CALN1: variants seen among roughly 807,000 people sequenced by gnomAD.
The protein encoded by CALN1 is calcium-binding protein 8.
A neutral mutation model predicts 30.6 loss-of-function variants in CALN1; 17 were observed. The observed-to-expected ratio is 0.56, with a 90% CI of 0.38 to 0.83. CALN1 has a LOEUF of 0.83. Among genes scored for constraint, CALN1 ranks in the 40% least tolerant of loss-of-function variants. The pLI is 0.00. For synonymous variants in CALN1, 156 were observed against 131.4 expected (o/e 1.19, Z -1.28); for missense variants, 291 against 354.9 (o/e 0.82, Z 1.45).
At chr7:72,488,884 A>C in the CALN1 span, among the ~76,000 whole-genome samples, 1 of 151,962 alleles carries the variant, frequency 6.6e-6, no homozygotes, top group Non-Finnish European at 1.5e-5. Context: ...GGGTCTCACT[A>C]TGTTGCCCAG....
chr7:72,409,850 A>T (rs1806990996), intron 1 of CALN1, among the ~76,000 whole-genome samples: 1 of 151,872 alleles, frequency 6.6e-6, no homozygotes, highest in African/African-American at 2.4e-5. Flanking sequence ...ATCAAGTTAC[A>T]GTCTTTTCTT....
chr7:72,347,959 T>TG (rs1321252290), intron 2 of CALN1, among the ~76,000 whole-genome samples: 2 of 151,998 alleles, frequency 1.3e-5, no homozygotes, highest in African/African-American at 4.8e-5. Flanking sequence ...GCTGAGACCC[T>TG]GTCTCTACTA....
At chr7:72,131,141 G>A (rs773920503) in intron 3 of CALN1, among the ~76,000 whole-genome samples, 5 of 152,102 alleles carry the variant, frequency 3.3e-5, no homozygotes, top group African/African-American at 4.8e-5. Flanking sequence ...GGAGAGAGAG[G>A]CAGAAAAGCC....
the CALN1 span, among the ~76,000 whole-genome samples, chr7:72,484,439 A>G: frequency 6.6e-6 from 1 of 152,180 alleles, no homozygotes; most frequent in South Asian, 2.1e-4. Flanking sequence ...GAGGTTTTCT[A>G]TTCTGGCTGG....
chr7:72,349,282 T>G (rs1013135385), intron 2 of CALN1, among the ~76,000 whole-genome samples: 28 of 147,754 alleles, frequency 1.9e-4, no homozygotes, highest in East Asian at 1.0e-3. Context: ...ACACGCGTGC[T>G]TGTGTGTGTG....
chr7:72,236,379 C>T (rs1034616), intron 3 of CALN1, among the ~76,000 whole-genome samples: 52,804 of 152,000 alleles, frequency 0.35, 10,321 homozygotes, highest in Middle Eastern at 0.53. Context: ...ACCCGCCCTC[C>T]GAATCAACTG....
In CALN1 at chr7:72,007,580, T is replaced by C. The variant is rs978495817; in HGVS notation, c.501+16077A>G. 2.0e-5 allele frequency among the ~76,000 whole-genome samples: 3 copies of C among 152,102 alleles called. No individual in the cohort carries two copies. In the South Asian group the frequency reaches 6.2e-4, roughly 32 times the overall value. ...AAACAAAACGAACAAAACAACTTAA[T>C]ATTATCTGAAATTTCCTTATTCATT... On this transcript the variant is annotated intron_variant, in intron 5 of 6. Transcript: ENST00000395275.
chr7:71,788,645 C>T (rs1793127587), intron 6 of CALN1, among the ~76,000 whole-genome samples: 1 of 151,228 alleles, frequency 6.6e-6, no homozygotes, highest in Non-Finnish European at 1.5e-5. Context: ...CAAGTGTGTG[C>T]CACCGTGCCT....
intron 5 of CALN1, among the ~76,000 whole-genome samples, chr7:71,822,729 A>G (rs902759925): frequency 9.2e-5 from 14 of 152,332 alleles, no homozygotes; most frequent in Admixed American, 7.8e-4. Flanking sequence ...ATGTAATAAG[A>G]TTAATAGACC....
intron 2 of CALN1, among the ~76,000 whole-genome samples, chr7:72,328,324 T>C (rs983794582): frequency 3.3e-5 from 5 of 152,122 alleles, no homozygotes; most frequent in African/African-American, 1.2e-4. Context: ...ACTGTTCTCA[T>C]GGTAGTGAAT....
chr7:71,905,954 A>C (rs1490006328), intron 5 of CALN1, among the ~76,000 whole-genome samples: 1 of 152,144 alleles, frequency 6.6e-6, no homozygotes, highest in Non-Finnish European at 1.5e-5. Flanking sequence ...TGGTGGCAGG[A>C]GAGAGAAGAG....
chr7:71,811,682 T>C (rs1450961643), intron 5 of CALN1, among the ~76,000 whole-genome samples: 1 of 64,088 alleles, frequency 1.6e-5, no homozygotes, highest in Non-Finnish European at 3.0e-5. Flanking sequence ...TTTTCTTTTT[T>C]TTTTTTTTTT....
intron 1 of CALN1, among the ~76,000 whole-genome samples, chr7:72,411,433 AT>A (rs1807139387): frequency 6.6e-6 from 1 of 152,214 alleles, no homozygotes; most frequent in African/African-American, 2.4e-5. Flanking sequence ...AAATATAACA[AT>A]TTTAAGGTTA....
At chr7:72,414,197 C>T (rs909414287), upstream of CALN1, among the ~76,000 whole-genome samples, 1 of 152,132 alleles carries the variant, frequency 6.6e-6, no homozygotes, top group Non-Finnish European at 1.5e-5. Context: ...GAGACCCATG[C>T]TGGAGCCAGA....
intron 3 of CALN1, among the ~76,000 whole-genome samples, chr7:72,212,089 A>G (rs1792439047): frequency 6.6e-6 from 1 of 152,130 alleles, no homozygotes; most frequent in Non-Finnish European, 1.5e-5. Context: ...ACGGTGACTC[A>G]TGCCTGTAAT....
intron 5 of CALN1, among the ~76,000 whole-genome samples, chr7:71,915,901 C>T (rs1228672522): frequency 2.0e-5 from 3 of 152,182 alleles, no homozygotes; most frequent in Admixed American, 1.3e-4. Flanking sequence ...GCACCACTGT[C>T]GCTGCAAATC....
chr7:72,170,386 C>A (rs1381030417), intron 3 of CALN1, among the ~76,000 whole-genome samples: 1 of 152,190 alleles, frequency 6.6e-6, no homozygotes. Context: ...TCATTTTTAG[C>A]AATCACCATT....
At chr7:72,217,146 G>A (rs996663488) in intron 3 of CALN1, among the ~76,000 whole-genome samples, 6 of 152,162 alleles carry the variant, frequency 3.9e-5, no homozygotes, top group Middle Eastern at 3.4e-3. Context: ...GCTTCCCCAC[G>A]GACCAAGGTG....
At chr7:72,336,586 A>T in intron 2 of CALN1, 5 of 627,132 alleles carry the variant, frequency 8.0e-6, no homozygotes, top group Non-Finnish European at 1.0e-5. Flanking sequence ...GCCCACTCTG[A>T]GCACCAGGGC....
Sources: gnomAD v4.1 joint callset for allele counts (sites outside exome capture counted in the v4.1 genomes callset) on GRCh38, gnomAD v4.1.1 for gene constraint, MANE v1.5 for transcripts, NCBI Gene and HGNC (gene_info 2026-07-23, HGNC 2026-07-21) for gene names.